The following CRYBG1 variants were observed in gnomAD, a reference collection of about 807,000 sequenced individuals.
The protein encoded by CRYBG1 is crystallin beta-gamma domain containing 1, also known as beta/gamma crystallin domain-containing protein 1.
CRYBG1 carries 139 observed loss-of-function variants against 189.2 expected under a neutral mutation model. The observed-to-expected ratio is 0.73, with a 90% CI of 0.64 to 0.85. The LOEUF (loss-of-function observed/expected upper bound fraction) is 0.85, where lower values mean the gene tolerates loss of function less well. CRYBG1 is among the 40% of genes least tolerant of loss of function. The pLI is 0.00. For synonymous variants in CRYBG1, 1,023 were observed against 1,017.1 expected (o/e 1.01, Z -0.11); for missense variants, 2,611 against 2,675.8 (o/e 0.98, Z 0.53).
At chr6:106,495,505 T>C (rs1772826683) in intron 2 of CRYBG1, among the ~76,000 whole-genome samples, 1 of 151,048 alleles carries the variant, frequency 6.6e-6, no homozygotes, top group African/African-American at 2.4e-5. Context: ...AACTTCACAA[T>C]GTATTTATTG....
intron 1 of CRYBG1, among the ~76,000 whole-genome samples, chr6:106,425,586 T>C (rs1309795568): frequency 6.6e-6 from 1 of 152,190 alleles, no homozygotes; most frequent in Non-Finnish European, 1.5e-5. Context: ...TCTAACGCAA[T>C]GTGACTGGAG....
At position 106,552,171 on chromosome 6, in the gene CRYBG1, TA is replaced by T; in HGVS notation, c.5440-8del. The stretch of plus-strand genomic sequence containing the variant: ...TATTCATTTCCTTTTCTCCTTCCTT[TA>T]AAAATTTTTAGGATTCTTTCACTGG... On this transcript the variant is annotated splice_polypyrimidine_tract_variant and intron_variant, in intron 14 of 21. Coordinates refer to ENST00000633556, the MANE Select transcript of CRYBG1 (RefSeq NM_001371242.2). The T allele has an allele frequency of 1.3e-6, 2 of 1,584,874 alleles. No homozygotes were observed. Among genetic ancestry groups the T allele is most frequent in the Admixed American group, 1.8e-5 (1 of 56,274 alleles).
At chr6:106,393,557 A>G (rs1770549763) in intron 1 of CRYBG1, among the ~76,000 whole-genome samples, 2 of 152,134 alleles carry the variant, frequency 1.3e-5, no homozygotes, top group Admixed American at 1.3e-4. Context: ...ACCTCTGTTA[A>G]ATATTTTGAC....
intron 3 of CRYBG1, among the ~76,000 whole-genome samples, chr6:106,516,559 T>C (rs933343448): frequency 4.6e-5 from 7 of 152,200 alleles, no homozygotes; most frequent in Non-Finnish European, 8.8e-5. Flanking sequence ...GAAGGCCAAG[T>C]CCATGAAGGA....
intron 21 of CRYBG1, 109 bp downstream of exon 21, chr6:106,564,035 G>T: frequency 8.5e-7 from 1 of 1,178,356 alleles, no homozygotes; most frequent in Middle Eastern, 2.7e-4. Flanking sequence ...AGTAGTAACA[G>T]TAAGAGAGCC....
Position 106,558,618 on chromosome 6 carries a change from G to A in CRYBG1, c.5848G>A (p.Gly1950Ser), listed in dbSNP as rs1774619345. 1 of 1,597,562 alleles carries A rather than the reference G, an allele frequency of 6.3e-7. No homozygotes were observed. Among genetic ancestry groups the A allele is most frequent in the Non-Finnish European group, 8.5e-7 (1 of 1,174,496 alleles). Residue 1950 changes from glycine to serine, a missense_variant, in exon 18 of 22, where the codon GGT becomes AGT. Gly to Ser is a moderately conservative substitution (Grantham distance 56, BLOSUM62 0). Around this residue, in one of 3 missense-constraint regions of CRYBG1, gnomAD observed 1,622 missense variants for 1,735.0 expected, o/e 0.93. Transcript: ENST00000633556. ...NTQIRSVQVIGGIWVTYEYGS... is the reference protein window; with the variant it reads ...NTQIRSVQVISGIWVTYEYGS... The stretch of plus-strand genomic sequence containing the variant: ...ACAAATACGCTCTGTTCAGGTTATT[G>A]GTGGCATGTGAGTTACCTACTTGTT...
At chr6:106,502,499 A>G (rs536577768) in intron 2 of CRYBG1, among the ~76,000 whole-genome samples, 9 of 152,346 alleles carry the variant, frequency 5.9e-5, no homozygotes, top group African/African-American at 2.2e-4. Context: ...TTTGCTATAA[A>G]TTTCAAACTA....
chr6:106,549,585 T>A (rs555633464), intron 13 of CRYBG1, among the ~76,000 whole-genome samples: 11 of 146,100 alleles, frequency 7.5e-5, no homozygotes, highest in East Asian at 2.0e-4. Context: ...CTAAAAAAAA[T>A]AAAAAATAAA....
chr6:106,518,982 C>CACACACAA, intron 3 of CRYBG1, 149 bp from the exon 4 acceptor site: 1 of 764,464 alleles, frequency 1.3e-6, no homozygotes, highest in Non-Finnish European at 2.0e-6. Context: ...TGCGCACACA[C>CACACACAA]ACACACACAT....
chr6:106,470,958 T>A (rs965263711), intron 2 of CRYBG1, among the ~76,000 whole-genome samples: 1 of 152,208 alleles, frequency 6.6e-6, no homozygotes, highest in African/African-American at 2.4e-5. Flanking sequence ...TAGCCTGAAC[T>A]TGGGTTTTTT....
chr6:106,512,529 G>T lies in CRYBG1; in HGVS notation c.1412G>T (p.Arg471Leu), dbSNP rs772589592. The T allele has an allele frequency of 1.1e-5, 17 of 1,609,426 alleles. No individual in the cohort carries two copies. Among genetic ancestry groups the T allele is most frequent in the African/African-American group, 1.3e-5 (1 of 74,982 alleles). The change falls in exon 3 of 22, where the codon CGG (arginine) becomes CTG (leucine). Residue 471 changes from arginine to leucine, a missense_variant. Physicochemically the swap from Arg to Leu is moderately radical, Grantham distance 102 (BLOSUM62 -2). This residue lies in a region of CRYBG1 where 985 missense variants were observed against 924.4 expected (regional missense o/e 1.07). Transcript: ENST00000633556. ...GCGGAAAAGAAAGTGAAATCTCCGCGGGCAGCCCTCGACGGGGGCGTTGCC... is the reference window on the plus strand; with the variant it reads ...GCGGAAAAGAAAGTGAAATCTCCGCTGGCAGCCCTCGACGGGGGCGTTGCC... ...ASAEKKVKSP[R>L]AALDGGVASA...
chr6:106,462,373 G>C (rs543879166), intron 2 of CRYBG1, among the ~76,000 whole-genome samples: 104 of 151,960 alleles, frequency 6.8e-4, no homozygotes, highest in African/African-American at 2.3e-3. Flanking sequence ...GGTTTACGCC[G>C]TGGTCTCGAT....
chr6:106,549,275 G>A (rs1167751044), intron 13 of CRYBG1, among the ~76,000 whole-genome samples: 1 of 152,160 alleles, frequency 6.6e-6, no homozygotes, highest in African/African-American at 2.4e-5. Context: ...GTACCCGTGT[G>A]CTGTACAGCA....
intron 1 of CRYBG1, among the ~76,000 whole-genome samples, chr6:106,431,931 G>A (rs1346680716): frequency 6.6e-6 from 1 of 152,136 alleles, no homozygotes; most frequent in Non-Finnish European, 1.5e-5. Context: ...CACCCACAAG[G>A]CTATGTTGAC....
chr6:106,389,471 T>C (rs1358205493), intron 1 of CRYBG1, among the ~76,000 whole-genome samples: 1 of 152,112 alleles, frequency 6.6e-6, no homozygotes, highest in African/African-American at 2.4e-5. Context: ...TAATCAACCA[T>C]AGTAGTGTTC....
intron 1 of CRYBG1, among the ~76,000 whole-genome samples, chr6:106,377,277 G>A (rs748364959): frequency 6.6e-6 from 1 of 151,310 alleles, no homozygotes; most frequent in Non-Finnish European, 1.5e-5. Context: ...GCACTCTCAG[G>A]GTTTTGTGAG....
At chr6:106,491,541 G>A (rs369672127) in intron 2 of CRYBG1, among the ~76,000 whole-genome samples, 2 of 151,956 alleles carry the variant, frequency 1.3e-5, no homozygotes, top group African/African-American at 2.4e-5. Flanking sequence ...CCTACCCTCC[G>A]ACGGAGCTCT....
rs143928724 is a variant in CRYBG1, at chr6:106,371,364, C to G, written c.173+10283C>G. On this transcript the variant is annotated intron_variant, in intron 1 of 21. Transcript: ENST00000633556. ...CTTTATCATGCATGTCATTACAAAC[C>G]TAAGAACTGGCCCTTTTCAAGCCTG... Among the ~76,000 whole-genome samples the G allele has an allele frequency of 6.9e-3, 1,046 of 152,282 alleles. 19 individuals are homozygous for G. Among genetic ancestry groups the G allele is most frequent in the African/African-American group, 0.024 (995 of 41,548 alleles).
At position 106,552,118 on chromosome 6, in the gene CRYBG1, G is replaced by GA. The variant is rs145614773; in HGVS notation, c.5440-59dup. On this transcript the variant is annotated intron_variant, in intron 14 of 21. Transcript: ENST00000633556. ...AGCAGTAATTGCTAATAATCTAGAAGAAAAAAACTTTTTCAATGTGTTTGT... is the reference window on the plus strand; with the variant it reads ...AGCAGTAATTGCTAATAATCTAGAAGAAAAAAAACTTTTTCAATGTGTTTGT... 8.9e-5 allele frequency: 132 copies of GA among 1,486,392 alleles called. 1 individual carries two copies. The highest frequency in any genetic ancestry group is 1.8e-4 in the Middle Eastern group (1 of 5,656). The allele number at this position is 1,486,392 out of a possible 1,614,324, so 92.1% of individuals were successfully genotyped here. A position where few individuals can be genotyped will look rare whatever the true frequency, so the allele number is the denominator to read the frequency against.
Sources: allele counts gnomAD v4.1 joint callset (sites outside exome capture counted in the v4.1 genomes callset), GRCh38; gene constraint gnomAD v4.1.1; regional missense constraint gnomAD v4.1.1; transcripts MANE v1.5; gene names NCBI Gene and HGNC (gene_info 2026-07-23, HGNC 2026-07-21).